SH3TC2: variants seen among roughly 807,000 people sequenced by gnomAD.
SH3TC2 encodes the protein SH3 domain and tetratricopeptide repeat-containing protein 2.
Under a neutral mutation model 124.5 loss-of-function variants are expected in SH3TC2, and 87 were observed. The observed-to-expected ratio is 0.70, with a 90% confidence interval of 0.59 to 0.84. The LOEUF (loss-of-function observed/expected upper bound fraction) is 0.84. Ranked by LOEUF, SH3TC2 falls within the 40% of genes least tolerant of loss-of-function variation. The probability of loss-of-function intolerance (pLI) is 0.00; values close to 1 mark genes in which losing one functional copy is unlikely to be tolerated. For synonymous variants in SH3TC2, 634 were observed against 628.5 expected (o/e 1.01, Z -0.13); for missense variants, 1,536 against 1,566.4 (o/e 0.98, Z 0.33).
Position 148,994,739 on chromosome 5 carries a change from A to ATGGATGGATGG in SH3TC2, c.*9971_*9972insCCATCCATCCA, listed in dbSNP as rs1753480379. On this transcript the variant is annotated 3_prime_UTR_variant, in exon 17 of 17. Coordinates refer to ENST00000515425, the MANE Select transcript of SH3TC2 (RefSeq NM_024577.4). Reference sequence around the variant, plus strand: ...GGATGGATGGATGGATGGATGGATGAATAGATGGATGAATAGATGGATGAA... The same window carrying ATGGATGGATGG: ...GGATGGATGGATGGATGGATGGATGATGGATGGATGGATAGATGGATGAATAGATGGATGAA... Among the ~76,000 whole-genome samples, 2 of 65,594 alleles carry ATGGATGGATGG rather than the reference A, an allele frequency of 3.0e-5. No homozygotes were observed. Among genetic ancestry groups the ATGGATGGATGG allele is most frequent in the Non-Finnish European group, 6.5e-5 (2 of 30,616 alleles). The allele number at this position is 65,594 out of a possible 152,430, so 43.0% of individuals were successfully genotyped here.
In SH3TC2 at chr5:148,982,879, GT is replaced by G. The variant is rs1303967884; in HGVS notation, c.*21831del. On this transcript the variant is annotated 3_prime_UTR_variant, in exon 17 of 17. Transcript: ENST00000515425. ...ATACTTTTAAAATAAAAAATGAGCT[GT>G]TTTAACACCAGTGGACCTTGTGAAA... Among the ~76,000 whole-genome samples, 1 of 152,214 alleles carries G rather than the reference GT, an allele frequency of 6.6e-6. No homozygotes were observed. Among genetic ancestry groups the G allele is most frequent in the Non-Finnish European group, 1.5e-5 (1 of 68,028 alleles).
chr5:149,062,304 A>G, intron 1 of SH3TC2: 1 of 526,870 alleles, frequency 1.9e-6, no homozygotes, highest in South Asian at 1.4e-5. Context: ...TCTGAAAAAA[A>G]GCAAGAAGGT....
chr5:149,056,379 C>T (rs1167486892), intron 1 of SH3TC2, among the ~76,000 whole-genome samples: 1 of 152,120 alleles, frequency 6.6e-6, no homozygotes, highest in African/African-American at 2.4e-5. Flanking sequence ...TTTTCTGTTC[C>T]TGCATTAGTT....
intron 13 of SH3TC2, 118 bp from the exon 14 acceptor site, chr5:149,010,510 A>G (rs1176677031): frequency 2.9e-6 from 4 of 1,374,106 alleles, no homozygotes; most frequent in Non-Finnish European, 4.0e-6. Context: ...AAAGTCCCCC[A>G]AATCCTAAAT....
At chr5:149,011,525 C>A (rs948216491) in intron 13 of SH3TC2, among the ~76,000 whole-genome samples, 6 of 152,188 alleles carry the variant, frequency 3.9e-5, no homozygotes, top group Admixed American at 3.3e-4. Flanking sequence ...CCACCACTTA[C>A]CAGTTGTATC....
intron 1 of SH3TC2, among the ~76,000 whole-genome samples, chr5:149,053,745 G>GATCT (rs1413880981): frequency 6.6e-6 from 1 of 152,092 alleles, no homozygotes; most frequent in African/African-American, 2.4e-5. Context: ...ATGAAGGACT[G>GATCT]ATCTAAATTA....
At chr5:149,025,626 A>G (rs1255201923) in intron 12 of SH3TC2, among the ~76,000 whole-genome samples, 1 of 152,246 alleles carries the variant, frequency 6.6e-6, no homozygotes, top group Non-Finnish European at 1.5e-5. Context: ...AAGGCTTGTT[A>G]CAGAACAGAA....
chr5:149,012,816 C>A, intron 12 of SH3TC2, 82 bp from the exon 13 acceptor site: 1 of 1,517,422 alleles, frequency 6.6e-7, no homozygotes, highest in South Asian at 1.2e-5. Context: ...AACAGAAGCT[C>A]TGAGCAGGAA....
At chr5:149,049,020 C>T (rs568381327) in intron 2 of SH3TC2, among the ~76,000 whole-genome samples, 52 of 152,332 alleles carry the variant, frequency 3.4e-4, no homozygotes, top group Non-Finnish European at 6.9e-4. Context: ...AATTCCTCAG[C>T]ACATTAGAGA....
intron 12 of SH3TC2, among the ~76,000 whole-genome samples, chr5:149,023,244 C>G (rs571345908): frequency 8.3e-4 from 126 of 152,210 alleles, no homozygotes; most frequent in African/African-American, 2.7e-3. Flanking sequence ...ACCACAGTGC[C>G]TGACACAATG....
chr5:149,024,964 C>A (rs1478469665), intron 12 of SH3TC2, among the ~76,000 whole-genome samples: 1 of 152,208 alleles, frequency 6.6e-6, no homozygotes, highest in Non-Finnish European at 1.5e-5. Context: ...TAAGACTGAG[C>A]TTGCCCAGTA....
intron 15 of SH3TC2, chr5:149,008,646 A>G: frequency 3.1e-6 from 2 of 650,526 alleles, no homozygotes; most frequent in Non-Finnish European, 5.4e-6. Flanking sequence ...TGAGGTGGGC[A>G]CTATTTTTAA....
At chr5:149,045,879 T>G (rs1754454170) in intron 3 of SH3TC2, 3 of 305,420 alleles carry the variant, frequency 9.8e-6, no homozygotes, top group South Asian at 7.8e-5. Flanking sequence ...TCTCTTGACC[T>G]CATGATCCAC....
At chr5:149,021,863 C>A (rs1345570579) in intron 12 of SH3TC2, among the ~76,000 whole-genome samples, 1 of 141,874 alleles carries the variant, frequency 7.0e-6, no homozygotes, top group Non-Finnish European at 1.5e-5. Context: ...AGAATTAACA[C>A]CAATCCTTCA....
chr5:149,054,087 C>T (rs748625890), intron 1 of SH3TC2, among the ~76,000 whole-genome samples: 20 of 151,968 alleles, frequency 1.3e-4, no homozygotes, highest in Admixed American at 4.6e-4. Context: ...ATGTTTGAGG[C>T]GATGTGATTT....
Position 148,996,266 on chromosome 5 carries a change from A to G in SH3TC2, c.*8445T>C, listed in dbSNP as rs976710765. ...CAGAGTGAGACCCTGCCTAAATAAG[A>G]GAGAAAGAGAGAGAGAGAGAGAAAC... On this transcript the variant is annotated 3_prime_UTR_variant, in exon 17 of 17. Transcript: ENST00000515425. Among the ~76,000 whole-genome samples, 11 of 151,832 alleles carry G rather than the reference A, an allele frequency of 7.2e-5. No homozygotes were observed. The highest frequency in any genetic ancestry group is 1.5e-4 in the Non-Finnish European group (10 of 67,992).
In SH3TC2 at chr5:148,984,349, A is replaced by G. The variant is rs571268825; in HGVS notation, c.*20362T>C. Among the ~76,000 whole-genome samples, 16 of 152,154 alleles carry G rather than the reference A, an allele frequency of 1.1e-4. No individual in the cohort carries two copies. Among genetic ancestry groups the G allele is most frequent in the African/African-American group, 3.1e-4 (13 of 41,560 alleles). On this transcript the variant is annotated 3_prime_UTR_variant, in exon 17 of 17. Coordinates refer to ENST00000515425, the MANE Select transcript of SH3TC2 (RefSeq NM_024577.4). ...TTGAATTTTTCAGTTTATTCATTAT[A>G]CATTATAAATATATACAATTATTAT...
rs1430207790 is a variant in SH3TC2, at chr5:148,992,614, T to TC, written c.*12096_*12097insG. ...AGATTTCATTGGTTTTTTTTTTTTT[T>TC]TTTTTTTTCAGATTTTCGAAGGGGT... On this transcript the variant is annotated 3_prime_UTR_variant, in exon 17 of 17. Coordinates refer to ENST00000515425, the MANE Select transcript of SH3TC2 (RefSeq NM_024577.4). Among the ~76,000 whole-genome samples the TC allele has an allele frequency of 1.3e-5, 2 of 150,760 alleles. No individual in the cohort carries two copies. The highest frequency in any genetic ancestry group is 3.0e-5 in the Non-Finnish European group (2 of 67,730).
chr5:149,027,994 G>A lies in SH3TC2; in HGVS notation c.1738C>T (p.Leu580=). 1 of 1,614,198 alleles carries A rather than the reference G, an allele frequency of 6.2e-7. No individual in the cohort carries two copies. Among genetic ancestry groups the A allele is most frequent in the Non-Finnish European group, 8.5e-7 (1 of 1,180,052 alleles). ...TLYINLAAIY[L]KQRLRHKGSA... The stretch of plus-strand genomic sequence containing the variant: ...CCTTTATGTCTCAGCCTCTGTTTCA[G>A]GTAGATGGCAGCCAAATTGATGTAC... The change falls in exon 11 of 17, where the codon CTG becomes TTG. Residue 580 remains leucine (L), a synonymous_variant. Transcript: ENST00000515425.
Sources: gnomAD v4.1 joint callset for allele counts (sites outside exome capture counted in the v4.1 genomes callset) on GRCh38, gnomAD v4.1.1 for gene constraint, MANE v1.5 for transcripts, NCBI Gene and HGNC (gene_info 2026-07-23, HGNC 2026-07-21) for gene names.